The following MRPS6 variants were observed in gnomAD, a reference collection of about 807,000 sequenced individuals.
MRPS6 encodes the protein mitochondrial ribosomal protein S6.
Under a neutral mutation model 13.1 loss-of-function variants are expected in MRPS6, and 6 were observed. The ratio of observed to expected loss-of-function variants is 0.46; its 90% confidence interval spans 0.25 to 0.91. The LOEUF (loss-of-function observed/expected upper bound fraction) is 0.91. MRPS6 is among the 40% of genes least tolerant of loss of function. The pLI is 0.18. For synonymous variants in MRPS6, 61 were observed against 56.5 expected, an observed-to-expected ratio of 1.08 and a Z score of -0.36; for missense variants, 164 against 155.6, an observed-to-expected ratio of 1.05 and a Z score of -0.29.
chr21:34,106,871 T>C (rs1231499643), intron 1 of MRPS6, among the ~76,000 whole-genome samples: 1 of 152,194 alleles, frequency 6.6e-6, no homozygotes, highest in Non-Finnish European at 1.5e-5. Flanking sequence ...AGCTTTTATG[T>C]CTTTTGCCCC....
At chr21:34,112,014 T>C (rs1979719604) in intron 1 of MRPS6, among the ~76,000 whole-genome samples, 1 of 152,188 alleles carries the variant, frequency 6.6e-6, no homozygotes, top group South Asian at 2.1e-4. Context: ...TTCTAGTTCT[T>C]TTACTCTGCA....
At chr21:34,101,363 G>T in intron 1 of MRPS6, 1 of 1,000,092 alleles carries the variant, frequency 1.0e-6, no homozygotes, top group Non-Finnish European at 1.2e-6. Flanking sequence ...TATAAAGTAC[G>T]AAGTTTGTTA....
chr21:34,095,537 G>T, intron 1 of MRPS6: 1 of 1,613,796 alleles, frequency 6.2e-7, no homozygotes, highest in Non-Finnish European at 8.5e-7. Context: ...CTGAATACTT[G>T]TCCAAGCGAT....
intron 1 of MRPS6, among the ~76,000 whole-genome samples, chr21:34,075,810 T>G (rs1468249975): frequency 6.6e-6 from 1 of 152,222 alleles, no homozygotes; most frequent in Non-Finnish European, 1.5e-5. Context: ...GCTTTCAGTT[T>G]AGGAAAATAG....
intron 1 of MRPS6, among the ~76,000 whole-genome samples, chr21:34,084,016 A>C (rs908525648): frequency 1.3e-5 from 2 of 152,158 alleles, no homozygotes; most frequent in African/African-American, 4.8e-5. Flanking sequence ...CTGCCTTTAT[A>C]ATCTAGAATA....
Position 34,096,652 on chromosome 21 carries a change from T to C in MRPS6, c.45+22907T>C. The stretch of plus-strand genomic sequence containing the variant: ...GGCTTTGTTCTTGGAGCAGTCCGTT[T>C]GATACTGGCCTTTGCCTACCGTGCC... On this transcript the variant is annotated intron_variant, in intron 1 of 2. Transcript: ENST00000399312. This position sits in a 1 kb window ranked among gnomAD's most constrained non-coding sequence, Gnocchi z 5.9. 6.2e-7 allele frequency: 1 copy of C among 1,614,204 alleles called. No individual in the cohort carries two copies. The highest frequency in any genetic ancestry group is 8.5e-7 in the Non-Finnish European group (1 of 1,180,014).
At chr21:34,089,271 G>A (rs1978560009) in intron 1 of MRPS6, among the ~76,000 whole-genome samples, 1 of 151,940 alleles carries the variant, frequency 6.6e-6, no homozygotes, top group South Asian at 2.1e-4. Context: ...ACCCGCCTTG[G>A]CCTCCCAAAG....
intron 1 of MRPS6, chr21:34,122,928 C>T (rs1253270952): frequency 6.6e-6 from 1 of 152,124 alleles, no homozygotes; most frequent in African/African-American, 2.4e-5. Flanking sequence ...ATGTAGTCTT[C>T]ATATGATTAG....
At chr21:34,101,450 G>A (rs1979233728) in intron 1 of MRPS6, 1 of 1,000,160 alleles carries the variant, frequency 1.0e-6, no homozygotes, top group African/African-American at 1.7e-5. Flanking sequence ...CCAGATGCTA[G>A]GTTGTTGAAG....
intron 2 of MRPS6, among the ~76,000 whole-genome samples, chr21:34,135,116 C>T (rs936715412): frequency 6.6e-6 from 1 of 152,138 alleles, no homozygotes; most frequent in African/African-American, 2.4e-5. Flanking sequence ...CAATAGTTCA[C>T]TCCTTTTCAT....
At chr21:34,111,895 G>A (rs999045787) in intron 1 of MRPS6, among the ~76,000 whole-genome samples, 1 of 149,622 alleles carries the variant, frequency 6.7e-6, no homozygotes, top group Non-Finnish European at 1.5e-5. Flanking sequence ...TTCAGGAGTT[G>A]AACATCCATT....
chr21:34,117,932 G>A lies in MRPS6; in HGVS notation c.46-7409G>A, dbSNP rs553978211. Among the ~76,000 whole-genome samples the A allele has an allele frequency of 4.0e-3, 615 of 152,206 alleles. 5 individuals are homozygous for A. The highest frequency in any genetic ancestry group is 0.01 in the Middle Eastern group (3 of 294). On this transcript the variant is annotated intron_variant, in intron 1 of 2. Transcript: ENST00000399312. ...TTATATAAATACCATATTCACGAGT[G>A]CTTTTTAGTTAATATATTAACTTAA... is the stretch of plus-strand genomic sequence containing the variant.
At chr21:34,079,301 A>G (rs931819070) in intron 1 of MRPS6, among the ~76,000 whole-genome samples, 1 of 152,148 alleles carries the variant, frequency 6.6e-6, no homozygotes, top group African/African-American at 2.4e-5. Flanking sequence ...GTTTATATTT[A>G]TTATCTAGTC....
chr21:34,113,696 C>G (rs1282110140), intron 1 of MRPS6, among the ~76,000 whole-genome samples: 1 of 152,220 alleles, frequency 6.6e-6, no homozygotes, highest in Non-Finnish European at 1.5e-5. Context: ...TTATGCAAAT[C>G]TGACTTTTTT....
At chr21:34,119,156 T>C (rs1980033273) in intron 1 of MRPS6, among the ~76,000 whole-genome samples, 1 of 152,230 alleles carries the variant, frequency 6.6e-6, no homozygotes, top group Non-Finnish European at 1.5e-5. Flanking sequence ...CAAAAGAGGT[T>C]CTCTACAATG....
At chr21:34,139,696 G>A (rs185750639) in intron 2 of MRPS6, among the ~76,000 whole-genome samples, 37 of 152,162 alleles carry the variant, frequency 2.4e-4, no homozygotes, top group Non-Finnish European at 4.4e-4. Context: ...TCACACTTCA[G>A]CCTCCCCAGT....
chr21:34,139,422 C>G (rs1980829749), intron 2 of MRPS6, among the ~76,000 whole-genome samples: 1 of 152,080 alleles, frequency 6.6e-6, no homozygotes, highest in Non-Finnish European at 1.5e-5. Context: ...TTGTGGGAAG[C>G]TTTTAAACTT....
chr21:34,110,812 A>G (rs941768001), intron 1 of MRPS6, among the ~76,000 whole-genome samples: 15 of 152,202 alleles, frequency 9.9e-5, no homozygotes, highest in African/African-American at 3.6e-4. Context: ...TGTTGATAAC[A>G]TTGCTAACAG....
chr21:34,083,739 T>C (rs764661607), intron 1 of MRPS6, among the ~76,000 whole-genome samples: 1 of 152,218 alleles, frequency 6.6e-6, no homozygotes, highest in Non-Finnish European at 1.5e-5. Flanking sequence ...ACTGTTGGTC[T>C]CATGGGAATG....
Sources: allele counts gnomAD v4.1 joint callset (sites outside exome capture counted in the v4.1 genomes callset), GRCh38; gene constraint gnomAD v4.1.1; non-coding constraint Gnocchi (gnomAD v3.1); transcripts MANE v1.5; gene names NCBI Gene and HGNC (gene_info 2026-07-23, HGNC 2026-07-21).